NOL4: variants seen among roughly 807,000 people sequenced by gnomAD.
NOL4 encodes cancer/testis antigen 125.
A neutral mutation model predicts 75.9 loss-of-function variants in NOL4; 17 were observed. The ratio of observed to expected loss-of-function variants is 0.22; its 90% confidence interval spans 0.15 to 0.34. The LOEUF (loss-of-function observed/expected upper bound fraction) is 0.34. Among genes scored for constraint, NOL4 ranks in the 10% least tolerant of loss-of-function variants. The probability of loss-of-function intolerance (pLI) is 1.00; values close to 1 mark genes in which losing one functional copy is unlikely to be tolerated. For missense variants in NOL4, 614 were observed against 793.5 expected, an observed-to-expected ratio of 0.77 and a Z score of 2.72; for synonymous variants, 292 against 289.9, an observed-to-expected ratio of 1.01 and a Z score of -0.07.
intron 2 of NOL4, among the ~76,000 whole-genome samples, chr18:34,121,787 A>T (rs2080153213): frequency 6.6e-6 from 1 of 152,200 alleles, no homozygotes; most frequent in African/African-American, 2.4e-5. Flanking sequence ...GGGAGTGTTT[A>T]CTGTTCTCAC....
At chr18:33,982,207 T>C (rs1241772894) in intron 6 of NOL4, among the ~76,000 whole-genome samples, 1 of 152,048 alleles carries the variant, frequency 6.6e-6, no homozygotes, top group Non-Finnish European at 1.5e-5. Flanking sequence ...TTACTCAAAC[T>C]ATATTAATAA....
chr18:33,914,620 G>C (rs974929076), intron 9 of NOL4, among the ~76,000 whole-genome samples: 2 of 152,062 alleles, frequency 1.3e-5, no homozygotes, highest in African/African-American at 2.4e-5. Context: ...TGGTGAGTTG[G>C]AAAAGGACAA....
rs540348450 is a variant in NOL4, at chr18:34,173,974, C to A, written c.265-43954G>T. Among the ~76,000 whole-genome samples, 4 of 152,166 alleles carry A rather than the reference C, an allele frequency of 2.6e-5. No homozygotes were observed. The South Asian group carries it at 8.3e-4, about 32-fold the overall frequency. ...CTCATTTAGGAGCCTCCAATTAATG[C>A]CGATTCATGATTCTGATTAATTATT... is the stretch of plus-strand genomic sequence containing the variant. On this transcript the variant is annotated intron_variant, in intron 1 of 10. Coordinates refer to ENST00000261592, the MANE Select transcript of NOL4 (RefSeq NM_003787.5).
At chr18:34,000,501 C>A (rs1568194640) in intron 6 of NOL4, among the ~76,000 whole-genome samples, 1 of 151,974 alleles carries the variant, frequency 6.6e-6, no homozygotes, top group Non-Finnish European at 1.5e-5. Flanking sequence ...CAGTCTTTTC[C>A]TCCCATAGTT....
intron 9 of NOL4, among the ~76,000 whole-genome samples, chr18:33,883,716 T>C (rs2064455745): frequency 6.6e-6 from 1 of 152,056 alleles, no homozygotes; most frequent in Admixed American, 6.6e-5. Context: ...AGCCTAAACA[T>C]CTCTTGACAG....
At chr18:33,890,421 A>G (rs897907746) in intron 9 of NOL4, among the ~76,000 whole-genome samples, 1 of 152,144 alleles carries the variant, frequency 6.6e-6, no homozygotes, top group Non-Finnish European at 1.5e-5. Context: ...GATACGAAGA[A>G]TCAATATCGT....
chr18:34,024,783 A>G (rs1217881930), intron 5 of NOL4, among the ~76,000 whole-genome samples: 1 of 152,160 alleles, frequency 6.6e-6, no homozygotes, highest in Non-Finnish European at 1.5e-5. Flanking sequence ...CTCAAACTTT[A>G]ATTGCTTTGG....
rs570179104 is a variant in NOL4, at chr18:34,176,149, G to A, written c.265-46129C>T. Among the ~76,000 whole-genome samples, 13 of 151,962 alleles carry A rather than the reference G, an allele frequency of 8.6e-5. No homozygotes were observed. In the South Asian group the frequency reaches 1.9e-3, roughly 22 times the overall value. On this transcript the variant is annotated intron_variant, in intron 1 of 10. Coordinates refer to ENST00000261592, the MANE Select transcript of NOL4 (RefSeq NM_003787.5). ...ACGGAAATTATTTAAAAAAATAAAG[G>A]ACCAAGTGGAAATCCTGGATTTGAA... is the stretch of plus-strand genomic sequence containing the variant.
At chr18:34,123,982 T>G (rs1313827673) in intron 2 of NOL4, among the ~76,000 whole-genome samples, 1 of 152,084 alleles carries the variant, frequency 6.6e-6, no homozygotes, top group African/African-American at 2.4e-5. Context: ...TGGACAAAGT[T>G]TACCAAAAAT....
chr18:34,123,990 A>C (rs1227824495), intron 2 of NOL4, among the ~76,000 whole-genome samples: 1 of 152,102 alleles, frequency 6.6e-6, no homozygotes, highest in African/African-American at 2.4e-5. Flanking sequence ...GTTTACCAAA[A>C]ATTTGAACTT....
chr18:34,021,884 C>T (rs192612329), intron 5 of NOL4, among the ~76,000 whole-genome samples: 230 of 152,092 alleles, frequency 1.5e-3, no homozygotes, highest in African/African-American at 5.2e-3. Context: ...GGGTGGATCA[C>T]CTGAGGTCAG....
intron 1 of NOL4, among the ~76,000 whole-genome samples, chr18:34,220,773 C>G (rs1325062944): frequency 1.3e-5 from 2 of 152,050 alleles, no homozygotes; most frequent in Non-Finnish European, 2.9e-5. Context: ...AAAAGCAGAG[C>G]TCTTAAATAC....
intron 9 of NOL4, among the ~76,000 whole-genome samples, chr18:33,938,916 C>T (rs188541059): frequency 2.2e-4 from 33 of 152,118 alleles, no homozygotes; most frequent in Admixed American, 5.9e-4. Context: ...TTAGGTCTTA[C>T]GTTTAAGTCT....
At chr18:34,011,964 CT>C (rs2074397497) in intron 6 of NOL4, among the ~76,000 whole-genome samples, 1 of 151,890 alleles carries the variant, frequency 6.6e-6, no homozygotes, top group African/African-American at 2.4e-5. Flanking sequence ...TCACCTTGCA[CT>C]TTTCAAGGCA....
chr18:34,222,835 G>A (rs943781068), intron 1 of NOL4, 155 bp downstream of exon 1: 2 of 939,588 alleles, frequency 2.1e-6, no homozygotes, highest in Non-Finnish European at 1.6e-6. Context: ...CCTGGCTAAT[G>A]CGAGTGGGGA....
At chr18:34,197,238 T>C (rs1278424288) in intron 1 of NOL4, among the ~76,000 whole-genome samples, 2 of 152,026 alleles carry the variant, frequency 1.3e-5, no homozygotes, top group Admixed American at 1.3e-4. Flanking sequence ...TCTTTATCCT[T>C]TTTCTATTAA....
intron 10 of NOL4, among the ~76,000 whole-genome samples, chr18:33,854,292 G>A (rs939618274): frequency 2.0e-5 from 3 of 152,040 alleles, no homozygotes; most frequent in Admixed American, 2.0e-4. Flanking sequence ...CCCATGAGAG[G>A]GAAATAGCTT....
At chr18:33,992,016 C>T (rs551821523) in intron 6 of NOL4, among the ~76,000 whole-genome samples, 2 of 148,214 alleles carry the variant, frequency 1.3e-5, no homozygotes, top group South Asian at 4.1e-4. Context: ...TAAGCATGTG[C>T]ATAGATCTTC....
At chr18:33,858,804 AT>A (rs1256032260) in intron 10 of NOL4, among the ~76,000 whole-genome samples, 2 of 151,958 alleles carry the variant, frequency 1.3e-5, no homozygotes, top group African/African-American at 4.8e-5. Context: ...AGAGTCTGAT[AT>A]TTTTTAATGG....
Sources: gnomAD v4.1 joint callset for allele counts (sites outside exome capture counted in the v4.1 genomes callset) on GRCh38, gnomAD v4.1.1 for gene constraint, MANE v1.5 for transcripts, NCBI Gene and HGNC (gene_info 2026-07-23, HGNC 2026-07-21) for gene names.